The following OSBPL2 variants were observed in gnomAD, a reference collection of about 807,000 sequenced individuals.
OSBPL2 encodes the protein oxysterol-binding protein-related protein 2.
A neutral mutation model predicts 58.4 loss-of-function variants in OSBPL2; 18 were observed. That is an observed-to-expected ratio of 0.31 (90% confidence interval 0.21 to 0.46). The LOEUF is 0.46. OSBPL2 is among the 20% of genes least tolerant of loss of function. The probability of loss-of-function intolerance (pLI) is 1.00; values close to 1 mark genes in which losing one functional copy is unlikely to be tolerated. For missense variants in OSBPL2, 461 were observed against 616.5 expected (o/e 0.75, Z 2.67); for synonymous variants, 221 against 234.1 (o/e 0.94, Z 0.51).
chr20:62,266,969 C>T (rs1981710092), intron 4 of OSBPL2, among the ~76,000 whole-genome samples: 1 of 152,190 alleles, frequency 6.6e-6, no homozygotes, highest in African/African-American at 2.4e-5. Context: ...AAGCTGTGGG[C>T]AGGCCAGGCG....
At chr20:62,273,458 T>C (rs1260983588) in intron 6 of OSBPL2, 52 bp downstream of exon 6, 3 of 1,326,416 alleles carry the variant, frequency 2.3e-6, no homozygotes, top group Non-Finnish European at 3.2e-6. Flanking sequence ...ATTCCTTGGA[T>C]GACAGATAAG....
At chr20:62,291,026 C>T (rs1484089523) in intron 12 of OSBPL2, among the ~76,000 whole-genome samples, 1 of 152,090 alleles carries the variant, frequency 6.6e-6, no homozygotes, top group African/African-American at 2.4e-5. Flanking sequence ...TGTGCCTGGC[C>T]TAATTTTTGT....
chr20:62,266,477 T>C (rs1458466883), intron 4 of OSBPL2, among the ~76,000 whole-genome samples: 2 of 152,180 alleles, frequency 1.3e-5, no homozygotes. Context: ...GGATCTGCAG[T>C]GATTGGCTGT....
chr20:62,269,757 C>T lies in OSBPL2; in HGVS notation c.259-2368C>T, dbSNP rs1290168411. On this transcript the variant is annotated intron_variant, in intron 4 of 13. Transcript: ENST00000313733. This position sits in a 1 kb window ranked among gnomAD's most constrained non-coding sequence, Gnocchi z 4.2. Reference sequence around the variant, plus strand: ...TCGGGGCTTCCTTCTTTCTCTGCCACGTGTTCTTGCAGTGCCGAGCTCTGA... The same window carrying T: ...TCGGGGCTTCCTTCTTTCTCTGCCATGTGTTCTTGCAGTGCCGAGCTCTGA... 1.3e-5 allele frequency among the ~76,000 whole-genome samples: 2 copies of T among 152,278 alleles called. No homozygotes were observed. Among genetic ancestry groups the T allele is most frequent in the Non-Finnish European group, 2.9e-5 (2 of 68,056 alleles).
At chr20:62,282,600 G>A (rs140396261) in intron 9 of OSBPL2, among the ~76,000 whole-genome samples, 3 of 152,330 alleles carry the variant, frequency 2.0e-5, no homozygotes, top group African/African-American at 4.8e-5. Flanking sequence ...TCTGAGGTGG[G>A]CAGATCACCT....
chr20:62,257,798 T>C (rs1164762373), intron 2 of OSBPL2, among the ~76,000 whole-genome samples: 2 of 149,386 alleles, frequency 1.3e-5, no homozygotes, highest in Non-Finnish European at 3.0e-5. Context: ...CACTGCAACC[T>C]CCTCCTCACG....
chr20:62,280,190 A>G (rs907616487), intron 7 of OSBPL2: 32 of 1,081,898 alleles, frequency 3.0e-5, no homozygotes, highest in Non-Finnish European at 3.6e-5. Flanking sequence ...TACATACAGA[A>G]ATAAGTAATA....
chr20:62,271,426 G>A lies in OSBPL2; in HGVS notation c.259-699G>A, dbSNP rs552402009. Among the ~76,000 whole-genome samples, 28 of 152,308 alleles carry A rather than the reference G, an allele frequency of 1.8e-4. 1 individual carries two copies. The South Asian group carries it at 5.6e-3, about 30-fold the overall frequency. Reference sequence around the variant, plus strand: ...GAAGCCAGGGACTATTTTTAACGGCGTGGGTGGCTCTGCCTGGGACCACTA... The same window carrying A: ...GAAGCCAGGGACTATTTTTAACGGCATGGGTGGCTCTGCCTGGGACCACTA... On this transcript the variant is annotated intron_variant, in intron 4 of 13. Transcript: ENST00000313733.
At chr20:62,272,981 G>A (rs1982162665) in intron 5 of OSBPL2, among the ~76,000 whole-genome samples, 1 of 152,244 alleles carries the variant, frequency 6.6e-6, no homozygotes, top group African/African-American at 2.4e-5. Flanking sequence ...ATGAGTGCTT[G>A]GGGTGTGTGT....
chr20:62,284,364 A>T, intron 10 of OSBPL2, 195 bp downstream of exon 10: 1 of 577,094 alleles, frequency 1.7e-6, no homozygotes. Flanking sequence ...GTTTATCTGT[A>T]TTTCTTTCCA....
chr20:62,293,155 G>C (rs930280862), intron 13 of OSBPL2, among the ~76,000 whole-genome samples: 1 of 150,836 alleles, frequency 6.6e-6, no homozygotes, highest in African/African-American at 2.4e-5. Context: ...GAGCCACCGC[G>C]CCCGGCCTGT....
At chr20:62,289,537 G>A (rs1004847826) in intron 12 of OSBPL2, among the ~76,000 whole-genome samples, 18 of 152,220 alleles carry the variant, frequency 1.2e-4, no homozygotes, top group African/African-American at 4.3e-4. Context: ...TCTCTCGCCT[G>A]CCTCAGACCA....
intron 4 of OSBPL2, among the ~76,000 whole-genome samples, chr20:62,265,600 C>G (rs1476220782): frequency 6.6e-6 from 1 of 152,184 alleles, no homozygotes; most frequent in Non-Finnish European, 1.5e-5. Context: ...TCTCAGCAGA[C>G]AGCACTGGAA....
chr20:62,245,661 A>G (rs1980055548), intron 1 of OSBPL2, among the ~76,000 whole-genome samples: 2 of 152,214 alleles, frequency 1.3e-5, no homozygotes, highest in South Asian at 4.1e-4. Flanking sequence ...TCTTGATTCC[A>G]TCCCATTGCC....
Position 62,288,818 on chromosome 20 carries a change from A to G in OSBPL2, c.1126-389A>G, listed in dbSNP as rs925259309. On this transcript the variant is annotated intron_variant, in intron 11 of 13. Transcript: ENST00000313733. This position sits in a 1 kb window ranked among gnomAD's most constrained non-coding sequence, Gnocchi z 4.8. ...TTTGGCAGGTGAAGGGGTAAAGAGGAGGAACCTGTGGGCAGGTGTGGCTGA... is the reference window on the plus strand; with the variant it reads ...TTTGGCAGGTGAAGGGGTAAAGAGGGGGAACCTGTGGGCAGGTGTGGCTGA... Among the ~76,000 whole-genome samples the G allele has an allele frequency of 5.9e-5, 9 of 152,066 alleles. No individual in the cohort carries two copies. The highest frequency in any genetic ancestry group is 8.8e-5 in the Non-Finnish European group (6 of 68,000).
intron 4 of OSBPL2, among the ~76,000 whole-genome samples, chr20:62,270,191 T>C (rs1031405460): frequency 2.0e-5 from 3 of 152,204 alleles, no homozygotes; most frequent in Non-Finnish European, 2.9e-5. Flanking sequence ...TCCTAGTCCC[T>C]GGTGCAGACG....
At chr20:62,249,234 AT>A (rs757137223) in intron 1 of OSBPL2, among the ~76,000 whole-genome samples, 77 of 152,158 alleles carry the variant, frequency 5.1e-4, no homozygotes, top group Non-Finnish European at 8.8e-4. Context: ...CAAAAAAAAA[AT>A]CTCACTGGAG....
intron 1 of OSBPL2, among the ~76,000 whole-genome samples, chr20:62,246,351 T>C (rs1980114870): frequency 6.6e-6 from 1 of 152,210 alleles, no homozygotes; most frequent in African/African-American, 2.4e-5. Flanking sequence ...CTGTGGCCCA[T>C]AGGGACGACA....
intron 1 of OSBPL2, among the ~76,000 whole-genome samples, chr20:62,251,668 A>C (rs556863052): frequency 2.4e-4 from 36 of 151,810 alleles, no homozygotes; most frequent in African/African-American, 8.0e-4. Flanking sequence ...TCGGCCTCCC[A>C]AAGTGCTGGG....
Sources: gnomAD v4.1 joint callset for allele counts (sites outside exome capture counted in the v4.1 genomes callset) on GRCh38, gnomAD v4.1.1 for gene constraint, Gnocchi (gnomAD v3.1) non-coding constraint, MANE v1.5 for transcripts, NCBI Gene and HGNC (gene_info 2026-07-23, HGNC 2026-07-21) for gene names.